ADGRL3: variants seen among roughly 807,000 people sequenced by gnomAD.
ADGRL3 encodes the protein calcium-independent alpha-latrotoxin receptor 3.
A neutral mutation model predicts 153.5 loss-of-function variants in ADGRL3; 62 were observed. The observed-to-expected ratio is 0.40, with a 90% CI of 0.33 to 0.50. The LOEUF (loss-of-function observed/expected upper bound fraction) is 0.50. Ranked by LOEUF, ADGRL3 falls within the 20% of genes least tolerant of loss-of-function variation. The pLI is 0.47. For missense variants in ADGRL3, 1,641 were observed against 1,859.4 expected (o/e 0.88, Z 2.16); for synonymous variants, 710 against 672.5 (o/e 1.06, Z -0.86).
chr4:61,404,779 A>C (rs917281536), intron 2 of ADGRL3, among the ~76,000 whole-genome samples: 1 of 152,116 alleles, frequency 6.6e-6, no homozygotes. Context: ...AAATCCATTC[A>C]TGTTTTCAAT....
chr4:61,839,217 C>A (rs1175579733), intron 9 of ADGRL3, among the ~76,000 whole-genome samples: 1 of 151,820 alleles, frequency 6.6e-6, no homozygotes, highest in East Asian at 1.9e-4. Flanking sequence ...TGAGATGGAG[C>A]CTTACTCTGT....
chr4:61,710,845 T>C (rs1298460580), intron 6 of ADGRL3, among the ~76,000 whole-genome samples: 2 of 152,120 alleles, frequency 1.3e-5, no homozygotes, highest in Non-Finnish European at 2.9e-5. Context: ...ATAAATAATA[T>C]TGATTTTTTT....
intron 23 of ADGRL3, among the ~76,000 whole-genome samples, chr4:62,035,311 G>T (rs1279380716): frequency 6.6e-6 from 1 of 151,984 alleles, no homozygotes; most frequent in Non-Finnish European, 1.5e-5. Context: ...ATGAATTATT[G>T]TGGCTTAAAC....
intron 4 of ADGRL3, among the ~76,000 whole-genome samples, chr4:61,526,240 T>C (rs2098557865): frequency 6.6e-6 from 1 of 152,156 alleles, no homozygotes; most frequent in Non-Finnish European, 1.5e-5. Flanking sequence ...AGAAAATGAT[T>C]GGTTTTGATT....
intron 1 of ADGRL3, among the ~76,000 whole-genome samples, chr4:61,213,722 A>G (rs1262151240): frequency 2.0e-5 from 3 of 152,174 alleles, no homozygotes; most frequent in African/African-American, 7.2e-5. Flanking sequence ...ATTAAGTATC[A>G]TAAAATATTT....
At chr4:61,837,386 G>T (rs2097952923) in intron 9 of ADGRL3, among the ~76,000 whole-genome samples, 1 of 152,082 alleles carries the variant, frequency 6.6e-6, no homozygotes, top group Non-Finnish European at 1.5e-5. Context: ...AGAATGTGGT[G>T]CTTATATACC....
At chr4:61,311,694 C>G (rs1047011697) in intron 1 of ADGRL3, among the ~76,000 whole-genome samples, 6 of 152,146 alleles carry the variant, frequency 3.9e-5, no homozygotes, top group Non-Finnish European at 8.8e-5. Flanking sequence ...TCAAAAATTA[C>G]TGTAAAAGCA....
At chr4:61,850,080 G>C (rs998286495) in intron 9 of ADGRL3, among the ~76,000 whole-genome samples, 6 of 152,012 alleles carry the variant, frequency 3.9e-5, no homozygotes, top group Non-Finnish European at 5.9e-5. Context: ...AATATATGTG[G>C]TTCCCTAATA....
At chr4:61,870,501 C>A (rs1046484163) in intron 9 of ADGRL3, among the ~76,000 whole-genome samples, 1 of 151,956 alleles carries the variant, frequency 6.6e-6, no homozygotes, top group Non-Finnish European at 1.5e-5. Context: ...GACACTGGCA[C>A]GAAATGAAAG....
At chr4:61,244,983 C>T (rs1756469084) in intron 1 of ADGRL3, among the ~76,000 whole-genome samples, 1 of 152,034 alleles carries the variant, frequency 6.6e-6, no homozygotes, top group Non-Finnish European at 1.5e-5. Context: ...GCACTATCCA[C>T]ACAATCTCCT....
chr4:61,543,839 G>A (rs1415787438), intron 4 of ADGRL3, among the ~76,000 whole-genome samples: 1 of 152,088 alleles, frequency 6.6e-6, no homozygotes, highest in Non-Finnish European at 1.5e-5. Flanking sequence ...TATAAAGTTT[G>A]TTCAGTGATT....
chr4:61,247,891 T>C (rs541032028), intron 1 of ADGRL3, among the ~76,000 whole-genome samples: 1 of 152,212 alleles, frequency 6.6e-6, no homozygotes, highest in Admixed American at 6.6e-5. Flanking sequence ...AAGGAAGTTA[T>C]CCTGTGATAT....
chr4:61,587,951 T>C (rs1203068120), intron 5 of ADGRL3, among the ~76,000 whole-genome samples: 1 of 152,012 alleles, frequency 6.6e-6, no homozygotes, highest in Admixed American at 6.6e-5. Flanking sequence ...ATTCAGCATA[T>C]GAAATTAATT....
At chr4:61,794,839 C>G (rs1397101626) in intron 8 of ADGRL3, among the ~76,000 whole-genome samples, 1 of 152,206 alleles carries the variant, frequency 6.6e-6, no homozygotes, top group Non-Finnish European at 1.5e-5. Context: ...CTCATGTTTG[C>G]TTGTGAACTA....
At chr4:61,745,121 G>A (rs1304069815) in intron 8 of ADGRL3, among the ~76,000 whole-genome samples, 1 of 152,168 alleles carries the variant, frequency 6.6e-6, no homozygotes, top group African/African-American at 2.4e-5. Context: ...ATCAGTGATG[G>A]AAGATGAAAT....
rs2151956663 is a variant in ADGRL3, at chr4:62,077,294, C to T, written c.*6386C>T. The T allele has an allele frequency of 6.6e-6, 1 of 151,970 alleles. No homozygotes were observed. 9.4% of individuals were successfully genotyped at this position (151,970 alleles called of 1,614,324 possible). On this transcript the variant is annotated 3_prime_UTR_variant, in exon 27 of 27. Coordinates refer to ENST00000683033, the MANE Select transcript of ADGRL3 (RefSeq NM_001387552.1). ...ACTCTTTGATCTACAGACAAGGTTA[C>T]AAAAGATTTACAATTAGTCCAAAAT...
chr4:61,765,577 A>T (rs1171054478), intron 8 of ADGRL3, among the ~76,000 whole-genome samples: 2 of 152,066 alleles, frequency 1.3e-5, no homozygotes, highest in Non-Finnish European at 2.9e-5. Flanking sequence ...TTTGACTGAT[A>T]AAGGCTCGTC....
chr4:61,906,583 T>G (rs1002321258), intron 11 of ADGRL3, among the ~76,000 whole-genome samples: 1 of 152,140 alleles, frequency 6.6e-6, no homozygotes, highest in Non-Finnish European at 1.5e-5. Context: ...TTACACAGTC[T>G]TCACATGTCA....
intron 25 of ADGRL3, among the ~76,000 whole-genome samples, chr4:62,054,148 G>A (rs1735755891): frequency 6.6e-6 from 1 of 151,532 alleles, no homozygotes; most frequent in Admixed American, 6.6e-5. Context: ...AAGAACTGTG[G>A]TTTACTGCTA....
Sources: allele counts gnomAD v4.1 joint callset (sites outside exome capture counted in the v4.1 genomes callset), GRCh38; gene constraint gnomAD v4.1.1; transcripts MANE v1.5; gene names NCBI Gene and HGNC (gene_info 2026-07-23, HGNC 2026-07-21).